The following NLRP12 variants were observed in gnomAD, a reference collection of about 807,000 sequenced individuals.
NLRP12 encodes the protein NACHT, LRR and PYD domains-containing protein 12.
NLRP12 carries 108 observed loss-of-function variants against 91.2 expected under a neutral mutation model. The ratio of observed to expected loss-of-function variants is 1.18; its 90% CI spans 1.01 to 1.39. The LOEUF (loss-of-function observed/expected upper bound fraction) is 1.39, where lower values mean the gene tolerates loss of function less well. Ranked by LOEUF, NLRP12 falls within the 40% of genes most tolerant of loss-of-function variation. The pLI, the probability that NLRP12 is intolerant of heterozygous loss-of-function variation, is 0.00. For missense variants in NLRP12, 1,530 were observed against 1,352.7 expected, an observed-to-expected ratio of 1.13 and a Z score of -2.06; for synonymous variants, 613 against 566.7, an observed-to-expected ratio of 1.08 and a Z score of -1.16.
intron 6 of NLRP12, among the ~76,000 whole-genome samples, chr19:53,803,524 C>T (rs1349863171): frequency 6.6e-5 from 10 of 151,980 alleles, no homozygotes; most frequent in Admixed American, 5.3e-4. Context: ...CCTCTGCTCC[C>T]GTTAAACGGT....
chr19:53,814,084 A>C (rs1222843780), intron 2 of NLRP12, among the ~76,000 whole-genome samples: 1 of 152,056 alleles, frequency 6.6e-6, no homozygotes, highest in Admixed American at 6.6e-5. Context: ...GTTGCTGTCT[A>C]CCCAGCAGAC....
chr19:53,804,008 G>C lies in NLRP12; in HGVS notation c.2529C>G (p.Gly843=). ...TCAGTCCCTGGCATAGTAACCTCAG[G>C]CCCAAATCCTCCAGTGCATTTCCTG... ...DLTGNALEDL[G]LRLLCQGLRH... Residue 843 remains glycine (G), a synonymous_variant, in exon 6 of 10, where the codon GGC becomes GGG. Coordinates refer to ENST00000324134, the MANE Select transcript of NLRP12 (RefSeq NM_144687.4). 6.2e-7 allele frequency: 1 copy of C among 1,614,062 alleles called. No individual in the cohort carries two copies. Among genetic ancestry groups the C allele is most frequent in the Non-Finnish European group, 8.5e-7 (1 of 1,180,020 alleles).
rs75136896 is a variant in NLRP12 at position 53,795,670 on chromosome 19, G to A, written c.3098+189C>T. ...ATTATAGGTGTGAGCCACCGCGCCC[G>A]GCCTCAGACAAGGAAATTATCCAAG... is the stretch of plus-strand genomic sequence containing the variant. On this transcript the variant is annotated intron_variant, in intron 9 of 9. Coordinates refer to ENST00000324134, the MANE Select transcript of NLRP12 (RefSeq NM_144687.4). 0.033 allele frequency among the ~76,000 whole-genome samples: 4,958 copies of A among 152,170 alleles called. 111 individuals are homozygous for A. The highest frequency in any genetic ancestry group is 0.082 in the South Asian group (397 of 4,814).
intron 5 of NLRP12, 110 bp downstream of exon 5, chr19:53,805,170 G>A (rs1354173069): frequency 8.3e-7 from 1 of 1,200,758 alleles, no homozygotes; most frequent in Non-Finnish European, 1.2e-6. Flanking sequence ...TGGGGTTAAG[G>A]GCCAGCCCTG....
At chr19:53,800,298 C>G (rs1017737271) in intron 7 of NLRP12, among the ~76,000 whole-genome samples, 2 of 151,524 alleles carry the variant, frequency 1.3e-5, no homozygotes, top group African/African-American at 2.4e-5. Flanking sequence ...GGGCAAGACT[C>G]GTCTCAAAAA....
In NLRP12 at chr19:53,795,919, G is replaced by T. The variant is rs538392013; in HGVS notation, c.3038C>A (p.Thr1013Lys). The change falls in exon 9 of 10, where the codon ACA becomes AAA. Residue 1013 changes from threonine (T) to lysine (K), a missense_variant. Coordinates refer to ENST00000324134, the MANE Select transcript of NLRP12 (RefSeq NM_144687.4). Reference sequence around the variant, plus strand: ...CCGCTTGCAAAGCAGTCGGACACCTGTGTCCCCTAGGGCGTTGTTGGTCAG... The same window carrying T: ...CCGCTTGCAAAGCAGTCGGACACCTTTGTCCCCTAGGGCGTTGTTGGTCAG... ...LYLTNNALGD[T>K]GVRLLCKRLS... The T allele has an allele frequency of 6.2e-7, 1 of 1,614,120 alleles. No homozygotes were observed.
chr19:53,819,441 ATATATATATATATATATGTGTG>A (rs1399428822), intron 1 of NLRP12, among the ~76,000 whole-genome samples: 3 of 21,172 alleles, frequency 1.4e-4, no homozygotes, highest in Admixed American at 5.0e-4. Flanking sequence ...ATATATATAT[ATATATATATATATATATGTGTG>A]TGTGTGTGTG....
chr19:53,814,707 G>C (rs2092130387), intron 2 of NLRP12, among the ~76,000 whole-genome samples: 1 of 152,134 alleles, frequency 6.6e-6, no homozygotes, highest in South Asian at 2.1e-4. Context: ...CCATCTTTCA[G>C]CCAGGAGATG....
At chr19:53,798,112 C>A (rs2091801665) in intron 8 of NLRP12, 131 bp downstream of exon 8, 2 of 1,046,966 alleles carry the variant, frequency 1.9e-6, no homozygotes, top group African/African-American at 3.1e-5. Context: ...CTTTTCTTTC[C>A]ACCTCTCTTC....
intron 1 of NLRP12, among the ~76,000 whole-genome samples, chr19:53,819,864 G>A (rs2092241465): frequency 6.6e-6 from 1 of 150,422 alleles, no homozygotes; most frequent in African/African-American, 2.5e-5. Context: ...GAAAAGAAAA[G>A]AAAGGAAGGA....
intron 8 of NLRP12, 88 bp downstream of exon 8, chr19:53,798,155 T>G: frequency 7.4e-7 from 1 of 1,350,910 alleles, no homozygotes; most frequent in South Asian, 1.2e-5. Context: ...TGAAGCAGGA[T>G]AGTTCATAAA....
Position 53,809,630 on chromosome 19 carries a change from G to A in NLRP12, c.2029C>T (p.Arg677Cys). The A allele has an allele frequency of 6.2e-7, 1 of 1,613,242 alleles. No individual in the cohort carries two copies. The highest frequency in any genetic ancestry group is 8.5e-7 in the Non-Finnish European group (1 of 1,179,894). Residue 677 changes from arginine to cysteine, a missense_variant, in exon 3 of 10, where the codon CGC becomes TGC. By Grantham distance (180) the Arg-to-Cys change is radical. Transcript: ENST00000324134. ...TGCGCTCCTGCGGAGCACCTCGCGC[G>A]GTCTTCCCCGTCCGCGCTGTAGGTG... ...GATYSADGEDRARCSAGAHTL... is the reference protein window; with the variant it reads ...GATYSADGEDCARCSAGAHTL...
chr19:53,806,856 T>C (rs530525396), intron 4 of NLRP12, among the ~76,000 whole-genome samples: 103 of 102,022 alleles, frequency 1.0e-3, no homozygotes, highest in Non-Finnish European at 2.0e-3. Flanking sequence ...TATCAGTGTC[T>C]CAAAAATTTA....
At chr19:53,803,596 T>C (rs992754847) in intron 6 of NLRP12, 4 of 350,808 alleles carry the variant, frequency 1.1e-5, no homozygotes, top group East Asian at 7.5e-5. Context: ...TTTTTTGAGA[T>C]GGAGTCTCAC....
intron 7 of NLRP12, among the ~76,000 whole-genome samples, chr19:53,799,078 T>C (rs2122541116): frequency 6.8e-6 from 1 of 147,642 alleles, no homozygotes; most frequent in Admixed American, 7.0e-5. Context: ...AGTGGCGTGA[T>C]CTTGGCTCAC....
At chr19:53,801,174 G>A (rs2091862982) in intron 7 of NLRP12, 53 bp downstream of exon 7, 1 of 1,556,624 alleles carries the variant, frequency 6.4e-7, no homozygotes, top group Non-Finnish European at 8.9e-7. Flanking sequence ...CCAGGTGAGA[G>A]GGCTGCGTTC....
rs200736514 is a variant in NLRP12 at position 53,811,223 on chromosome 19, G to T, written c.436C>A (p.Arg146Ser). ...KFRLMEDRNA[R>S]LGECVNLSHR... ...CTGAGGTTGACACATTCCCCTAGGC[G>T]CGCATTGCGGTCTTCCATGAGCCGG... is the stretch of plus-strand genomic sequence containing the variant. Residue 146 changes from arginine (R) to serine (S), a missense_variant, in exon 3 of 10, where the codon CGC becomes AGC. Coordinates refer to ENST00000324134, the MANE Select transcript of NLRP12 (RefSeq NM_144687.4). 1.2e-6 allele frequency: 2 copies of T among 1,614,106 alleles called. No homozygotes were observed. Among genetic ancestry groups the T allele is most frequent in the East Asian group, 4.5e-5 (2 of 44,820 alleles).
intron 6 of NLRP12, among the ~76,000 whole-genome samples, chr19:53,802,798 G>A (rs1321716847): frequency 1.3e-5 from 2 of 152,150 alleles, no homozygotes; most frequent in Non-Finnish European, 2.9e-5. Flanking sequence ...ATTAGGGACA[G>A]GGTCTCACCC....
At chr19:53,809,529 A>AAAAC in intron 3 of NLRP12, 58 bp downstream of exon 3, 3 of 1,339,222 alleles carry the variant, frequency 2.2e-6, no homozygotes, top group Non-Finnish European at 3.0e-6. Context: ...AAAAAAAAAA[A>AAAAC]AAAAAAAAAA....
Sources: allele counts gnomAD v4.1 joint callset (sites outside exome capture counted in the v4.1 genomes callset), GRCh38; gene constraint gnomAD v4.1.1; transcripts MANE v1.5; gene names NCBI Gene and HGNC (gene_info 2026-07-23, HGNC 2026-07-21).